CAMTA1: variants seen among roughly 807,000 people sequenced by gnomAD.
CAMTA1 encodes calmodulin-binding transcription activator 1.
Under a neutral mutation model 170.9 loss-of-function variants are expected in CAMTA1, and 27 were observed. That is an observed-to-expected ratio of 0.16 (90% CI 0.12 to 0.22). The LOEUF is 0.22. Ranked by LOEUF, CAMTA1 falls within the 10% of genes least tolerant of loss-of-function variation. CAMTA1 has a pLI of 1.00. For synonymous variants in CAMTA1, 833 were observed against 891.5 expected, an observed-to-expected ratio of 0.93 and a Z score of 1.17; for missense variants, 1,619 against 2,217.2, an observed-to-expected ratio of 0.73 and a Z score of 5.42.
intron 3 of CAMTA1, among the ~76,000 whole-genome samples, chr1:7,054,067 C>T (rs895963122): frequency 3.3e-5 from 5 of 152,354 alleles, no homozygotes; most frequent in Middle Eastern, 6.8e-3. Flanking sequence ...AGACCATCGT[C>T]CTCACTGCCA....
chr1:7,366,189 G>C (rs1248545050), intron 5 of CAMTA1, among the ~76,000 whole-genome samples: 1 of 152,208 alleles, frequency 6.6e-6, no homozygotes, highest in African/African-American at 2.4e-5. Context: ...AGTTTTATCA[G>C]CGAGTGGCCA....
chr1:6,916,320 G>A (rs762501963), intron 3 of CAMTA1, among the ~76,000 whole-genome samples: 1 of 152,230 alleles, frequency 6.6e-6, no homozygotes, highest in African/African-American at 2.4e-5. Context: ...ACACTAAGAC[G>A]ATGGCCAAAT....
At chr1:7,184,543 A>G (rs1339094485) in intron 4 of CAMTA1, among the ~76,000 whole-genome samples, 1 of 152,162 alleles carries the variant, frequency 6.6e-6, no homozygotes, top group African/African-American at 2.4e-5. Context: ...AAAAAGTAAA[A>G]TAAGAAAACA....
chr1:7,020,683 AG>A lies in CAMTA1; in HGVS notation c.235-70616del, dbSNP rs151303834. 3.2e-3 allele frequency among the ~76,000 whole-genome samples: 484 copies of A among 152,262 alleles called. 1 individual carries two copies. Among genetic ancestry groups the A allele is most frequent in the Non-Finnish European group, 5.8e-3 (395 of 68,014 alleles). ...GCCTCTGATTCAGTGCTGGGGGCAG[AG>A]GGGGCTGCAAATTGTGGGCTTAGCC... On this transcript the variant is annotated intron_variant, in intron 3 of 22. Transcript: ENST00000303635.
chr1:7,097,163 G>A (rs181750060), intron 4 of CAMTA1, among the ~76,000 whole-genome samples: 3 of 152,296 alleles, frequency 2.0e-5, no homozygotes, highest in East Asian at 1.9e-4. Flanking sequence ...CTTTGTTGTC[G>A]GTTGTTTGCC....
chr1:7,710,048 T>TA (rs1450603010), intron 11 of CAMTA1, among the ~76,000 whole-genome samples: 8 of 152,240 alleles, frequency 5.3e-5, no homozygotes. Context: ...ATGTGTCTGT[T>TA]ATGACGCCAC....
intron 5 of CAMTA1, among the ~76,000 whole-genome samples, chr1:7,268,799 A>G (rs1353884720): frequency 1.3e-5 from 2 of 152,222 alleles, no homozygotes; most frequent in Admixed American, 6.5e-5. Flanking sequence ...AATATGACCT[A>G]TATCCAGGAG....
intron 1 of CAMTA1, among the ~76,000 whole-genome samples, chr1:6,812,482 TAAAC>T (rs1163697678): frequency 4.6e-5 from 7 of 152,252 alleles, no homozygotes; most frequent in South Asian, 2.1e-4. Context: ...TCTGAGGAGT[TAAAC>T]AAAATTATCA....
Position 7,426,058 on chromosome 1 carries a change from G to T in CAMTA1, c.439-41772G>T, listed in dbSNP as rs1259223235. Among the ~76,000 whole-genome samples, 2 of 152,200 alleles carry T rather than the reference G, an allele frequency of 1.3e-5. No individual in the cohort carries two copies. The highest frequency in any genetic ancestry group is 4.8e-5 in the African/African-American group (2 of 41,432). On this transcript the variant is annotated intron_variant, in intron 5 of 22. Transcript: ENST00000303635. This position sits in a 1 kb window ranked among gnomAD's most constrained non-coding sequence, Gnocchi z 4.8. ...CAGGTGAGCTGCGGTCCTGGAAAAGGTGGCAGGGTAGGGGCCTCCTGGCAT... is the reference window on the plus strand; with the variant it reads ...CAGGTGAGCTGCGGTCCTGGAAAAGTTGGCAGGGTAGGGGCCTCCTGGCAT...
At chr1:7,402,700 A>G (rs974717866) in intron 5 of CAMTA1, among the ~76,000 whole-genome samples, 1 of 152,134 alleles carries the variant, frequency 6.6e-6, no homozygotes, top group Middle Eastern at 3.2e-3. Flanking sequence ...AACATGAGTA[A>G]AGTGAGCAGG....
intron 3 of CAMTA1, among the ~76,000 whole-genome samples, chr1:6,929,748 C>T (rs561726754): frequency 3.5e-4 from 53 of 152,318 alleles, no homozygotes; most frequent in African/African-American, 1.2e-3. Flanking sequence ...CTGCCTGCCT[C>T]GGCCTCCCAA....
rs938336625 is a variant in CAMTA1 at position 7,768,797 on chromosome 1, T to G, written c.*2306T>G. On this transcript the variant is annotated 3_prime_UTR_variant, in exon 23 of 23. Coordinates refer to ENST00000303635, the MANE Select transcript of CAMTA1 (RefSeq NM_015215.4). ...GTTGCAGTCCCCCAGATACCTATTA[T>G]TTTACACAATTTGACCTATAGGAGG... The G allele has an allele frequency of 6.6e-6, 1 of 152,630 alleles. No individual in the cohort carries two copies. Among genetic ancestry groups the G allele is most frequent in the African/African-American group, 2.4e-5 (1 of 41,434 alleles). 9.5% of individuals were successfully genotyped at this position (152,630 alleles called of 1,614,324 possible).
chr1:7,488,499 A>ACACG (rs1182069628), intron 6 of CAMTA1, among the ~76,000 whole-genome samples: 1 of 152,054 alleles, frequency 6.6e-6, no homozygotes, highest in Non-Finnish European at 1.5e-5. Flanking sequence ...CAATACACAC[A>ACACG]CACGCACATA....
chr1:6,993,878 C>T (rs1696775561), intron 3 of CAMTA1, among the ~76,000 whole-genome samples: 1 of 152,068 alleles, frequency 6.6e-6, no homozygotes, highest in Non-Finnish European at 1.5e-5. Context: ...TTTAGGCCTA[C>T]CATGTCGACA....
intron 3 of CAMTA1, among the ~76,000 whole-genome samples, chr1:6,986,015 A>C (rs1211145620): frequency 6.6e-6 from 1 of 152,196 alleles, no homozygotes; most frequent in Non-Finnish European, 1.5e-5. Flanking sequence ...AACATTCTGG[A>C]AATACTGGCT....
intron 7 of CAMTA1, among the ~76,000 whole-genome samples, chr1:7,655,048 A>C (rs991692476): frequency 1.4e-5 from 2 of 147,704 alleles, no homozygotes; most frequent in Non-Finnish European, 3.0e-5. Flanking sequence ...ACCTATACAC[A>C]CACCTATACA....
intron 4 of CAMTA1, among the ~76,000 whole-genome samples, chr1:7,155,759 C>T (rs959577866): frequency 1.3e-5 from 2 of 152,162 alleles, no homozygotes; most frequent in Admixed American, 6.5e-5. Flanking sequence ...AAGGCCGCCC[C>T]TCTGTTAGAA....
chr1:7,678,951 C>G (rs1020233166), intron 11 of CAMTA1, among the ~76,000 whole-genome samples: 8 of 152,226 alleles, frequency 5.3e-5, no homozygotes, highest in Admixed American at 4.6e-4. Context: ...CAGCCTTATC[C>G]CAGTCCCTGC....
intron 11 of CAMTA1, among the ~76,000 whole-genome samples, chr1:7,729,110 G>T (rs1386063869): frequency 6.7e-6 from 1 of 149,296 alleles, no homozygotes; most frequent in Non-Finnish European, 1.5e-5. Context: ...TTAATATGAG[G>T]AATCTTTTTT....
Sources: allele counts gnomAD v4.1 joint callset (sites outside exome capture counted in the v4.1 genomes callset), GRCh38; gene constraint gnomAD v4.1.1; non-coding constraint Gnocchi (gnomAD v3.1); transcripts MANE v1.5; gene names NCBI Gene and HGNC (gene_info 2026-07-23, HGNC 2026-07-21).